The following HAUS5 variants were observed in gnomAD, a reference collection of about 807,000 sequenced individuals.
HAUS5 encodes HAUS augmin-like complex subunit 5.
In HAUS5, 67 loss-of-function variants were observed where a neutral mutation model predicts 94.1. That is an observed-to-expected ratio of 0.71 (90% confidence interval 0.58 to 0.87). The LOEUF (loss-of-function observed/expected upper bound fraction) is 0.87. Ranked by LOEUF, HAUS5 falls within the 40% of genes least tolerant of loss-of-function variation. HAUS5 has a pLI of 0.00. For synonymous variants in HAUS5, 339 were observed against 355.4 expected, an observed-to-expected ratio of 0.95 and a Z score of 0.52; for missense variants, 739 against 825.6, an observed-to-expected ratio of 0.90 and a Z score of 1.29.
At chr19:35,617,551 G>T (rs1009503822) in intron 8 of HAUS5, among the ~76,000 whole-genome samples, 182 bp downstream of exon 8, 2 of 152,180 alleles carry the variant, frequency 1.3e-5, no homozygotes, top group Non-Finnish European at 2.9e-5. Context: ...GGTCAGGGCT[G>T]TTGCGGGAGT....
rs1967246083 is a variant in HAUS5, at chr19:35,623,225, G to C, written c.*232G>C. Reference sequence around the variant, plus strand: ...TCATCACTTTCATTCTCAGCAAAAAGTAATTGAGCACCTCCTCTAGGCGCT... The same window carrying C: ...TCATCACTTTCATTCTCAGCAAAAACTAATTGAGCACCTCCTCTAGGCGCT... On this transcript the variant is annotated 3_prime_UTR_variant, in exon 19 of 19. Coordinates refer to ENST00000203166, the MANE Select transcript of HAUS5 (RefSeq NM_015302.2). 1 of 531,358 alleles carries C rather than the reference G, an allele frequency of 1.9e-6. No homozygotes were observed. The highest frequency in any genetic ancestry group is 3.3e-6 in the Non-Finnish European group (1 of 299,236). 32.9% of individuals were successfully genotyped at this position (531,358 alleles called of 1,614,324 possible). A position where few individuals can be genotyped will look rare whatever the true frequency, so the allele number is the denominator to read the frequency against.
intron 8 of HAUS5, among the ~76,000 whole-genome samples, chr19:35,617,635 T>A (rs903345722): frequency 2.0e-5 from 3 of 151,940 alleles, no homozygotes; most frequent in African/African-American, 7.3e-5. Flanking sequence ...GGGGAGAGGT[T>A]CTCTGGTGAG....
At chr19:35,613,064 T>G (rs565495535) in intron 1 of HAUS5, among the ~76,000 whole-genome samples, 172 bp downstream of exon 1, 20 of 152,192 alleles carry the variant, frequency 1.3e-4, no homozygotes, top group African/African-American at 4.8e-4. Flanking sequence ...TCCCTAGCAC[T>G]GGTGAGGATC....
chr19:35,620,245 G>A lies in HAUS5; in HGVS notation c.1569G>A (p.Leu523=). 6.2e-7 allele frequency: 1 copy of A among 1,613,740 alleles called. No individual in the cohort carries two copies. Among genetic ancestry groups the A allele is most frequent in the Non-Finnish European group, 8.5e-7 (1 of 1,179,954 alleles). Residue 523 remains leucine (L), a synonymous_variant, in exon 17 of 19, where the codon CTG becomes CTA. Coordinates refer to ENST00000203166, the MANE Select transcript of HAUS5 (RefSeq NM_015302.2). The part of the protein sequence containing the change: ...PAAASLRQDL[L]LLQDQRSLWC... The stretch of plus-strand genomic sequence containing the variant: ...CTGCCTCTCTTCGCCAGGACCTTCT[G>A]CTCCTGCAGGACCAGCGGAGCCTCT...
At chr19:35,614,132 C>T in intron 4 of HAUS5, 73 bp downstream of exon 4, 1 of 1,374,924 alleles carries the variant, frequency 7.3e-7, no homozygotes, top group Non-Finnish European at 1.0e-6. Flanking sequence ...TAAGCCCAAC[C>T]AGGTGCTGGG....
intron 15 of HAUS5, 80 bp downstream of exon 15, chr19:35,619,838 A>G (rs1967178492): frequency 2.0e-6 from 3 of 1,507,488 alleles, no homozygotes; most frequent in African/African-American, 1.4e-5. Flanking sequence ...CTCAAAAAAG[A>G]TAACCCCAGA....
At chr19:35,616,991 C>A in intron 6 of HAUS5, 133 bp from the exon 7 acceptor site, 1 of 702,914 alleles carries the variant, frequency 1.4e-6, no homozygotes, top group Non-Finnish European at 2.5e-6. Context: ...GTGACAGTGG[C>A]CTAATCTGGA....
intron 3 of HAUS5, 67 bp downstream of exon 3, chr19:35,613,967 G>A: frequency 6.2e-7 from 1 of 1,606,784 alleles, no homozygotes; most frequent in Non-Finnish European, 8.5e-7. Flanking sequence ...CCCCACCACA[G>A]CATCACACCT....
chr19:35,617,898 C>T lies in HAUS5; in HGVS notation c.682C>T (p.Leu228=). 2 of 1,614,074 alleles carry T rather than the reference C, an allele frequency of 1.2e-6. No individual in the cohort carries two copies. The highest frequency in any genetic ancestry group is 1.7e-6 in the Non-Finnish European group (2 of 1,179,932). The change falls in exon 9 of 19, where the codon CTG becomes TTG. Residue 228 remains leucine, a synonymous_variant. Transcript: ENST00000203166. ...DHFGTSYQQW[L]SSVETLLTNH... is the part of the protein sequence containing the mutation. Reference sequence around the variant, plus strand: ...CTTTGGCACTTCGTACCAGCAGTGGCTGAGCTCAGTGGAGGTGAGAGGGCA... The same window carrying T: ...CTTTGGCACTTCGTACCAGCAGTGGTTGAGCTCAGTGGAGGTGAGAGGGCA...
intron 17 of HAUS5, among the ~76,000 whole-genome samples, chr19:35,622,049 G>T (rs1599599883): frequency 6.6e-6 from 1 of 152,306 alleles, no homozygotes; most frequent in South Asian, 2.1e-4. Context: ...CAGGAGGAAA[G>T]ATACTCTCTA....
Position 35,614,040 on chromosome 19 carries a change from G to A in HAUS5, c.200G>A (p.Gly67Asp), listed in dbSNP as rs200148904. 141 of 1,613,774 alleles carry A rather than the reference G, an allele frequency of 8.7e-5. No homozygotes were observed. The East Asian group carries it at 2.8e-3, about 32-fold the overall frequency. The change falls in exon 4 of 19, where the codon GGC (glycine) becomes GAC (aspartate). Residue 67 changes from glycine (G) to aspartate (D), a missense_variant. Physicochemically the swap from Gly to Asp is moderately conservative, Grantham distance 94. Transcript: ENST00000203166. Reference protein sequence around the residue: ...KKIRGNLLWYGHQDSPQVRRK... With the variant: ...KKIRGNLLWYDHQDSPQVRRK... ...CTCTGGCCTCGTTTTCCTAGGTATG[G>A]CCACCAGGACAGTCCACAGGTGAGA...
intron 8 of HAUS5, 81 bp downstream of exon 8, chr19:35,617,450 A>G (rs1489502703): frequency 8.9e-6 from 8 of 898,936 alleles, no homozygotes; most frequent in Non-Finnish European, 1.4e-5. Context: ...TTCCTCAGAC[A>G]CTGAGCTTCT....
chr19:35,618,821 G>T, intron 12 of HAUS5, 66 bp from the exon 13 acceptor site: 1 of 1,534,888 alleles, frequency 6.5e-7, no homozygotes, highest in South Asian at 1.2e-5. Context: ...GTCTCTCCCT[G>T]GTTTATGGTC....
In HAUS5 at chr19:35,619,052, G is replaced by T; in HGVS notation, c.1179+3G>T. On this transcript the variant is annotated splice_donor_region_variant and intron_variant, in intron 13 of 18. Transcript: ENST00000203166. ...TCCTGCACTGGCGCCAGCTGGTGGT[G>T]AGAGGCTAGGCCCAGGGCCTTGTGG... 1 of 1,584,862 alleles carries T rather than the reference G, an allele frequency of 6.3e-7. No homozygotes were observed. The highest frequency in any genetic ancestry group is 1.1e-5 in the South Asian group (1 of 87,682).
In HAUS5 at chr19:35,622,377, A is replaced by T. The variant is rs185409508; in HGVS notation, c.1652-224A>T. On this transcript the variant is annotated intron_variant, in intron 17 of 18. Transcript: ENST00000203166. ...GCCTGGATGGGGCTGGGGGTGGTGG[A>T]CTGCCCTTGAGATGAGGATCTGGGA... 1.9e-3 allele frequency among the ~76,000 whole-genome samples: 281 copies of T among 150,194 alleles called. 1 individual carries two copies. Among genetic ancestry groups the T allele is most frequent in the Non-Finnish European group, 3.6e-3 (243 of 67,446 alleles).
intron 17 of HAUS5, 119 bp from the exon 18 acceptor site, chr19:35,622,482 A>T (rs1398908714): frequency 9.7e-7 from 1 of 1,028,426 alleles, no homozygotes; most frequent in Non-Finnish European, 1.5e-6. Context: ...CAGACTCATC[A>T]TTGGTTTGCG....
Position 35,623,255 on chromosome 19 carries a change from A to T in HAUS5, c.*262A>T. ...TGAGCACCTCCTCTAGGCGCTGGGG[A>T]GTCCACACTGAACAAAAGAAACAGA... On this transcript the variant is annotated 3_prime_UTR_variant, in exon 19 of 19. Transcript: ENST00000203166. The T allele has an allele frequency of 2.3e-6, 1 of 434,566 alleles. No homozygotes were observed. Among genetic ancestry groups the T allele is most frequent in the Non-Finnish European group, 4.1e-6 (1 of 242,944 alleles). 26.9% of individuals were successfully genotyped at this position (434,566 alleles called of 1,614,324 possible).
At chr19:35,613,817 G>T in intron 2 of HAUS5, 25 bp downstream of exon 2, 1 of 1,613,974 alleles carries the variant, frequency 6.2e-7, no homozygotes, top group Admixed American at 1.7e-5. Flanking sequence ...AGCAGGGGAG[G>T]GGGCACAGGT....
At position 35,617,201 on chromosome 19, in the gene HAUS5, T is replaced by G; in HGVS notation, c.555+8T>G. 1 of 1,613,402 alleles carries G rather than the reference T, an allele frequency of 6.2e-7. No homozygotes were observed. The highest frequency in any genetic ancestry group is 8.5e-7 in the Non-Finnish European group (1 of 1,179,406). Reference sequence around the variant, plus strand: ...CTGGAGCCCGTGGTCCTGGTAAGAGTCCTGGTCATGGGAGAAGGGGCAGGG... The same window carrying G: ...CTGGAGCCCGTGGTCCTGGTAAGAGGCCTGGTCATGGGAGAAGGGGCAGGG... On this transcript the variant is annotated splice_region_variant and intron_variant, in intron 7 of 18. Transcript: ENST00000203166.
Sources: gnomAD v4.1 joint callset for allele counts (sites outside exome capture counted in the v4.1 genomes callset) on GRCh38, gnomAD v4.1.1 for gene constraint, MANE v1.5 for transcripts, NCBI Gene and HGNC (gene_info 2026-07-23, HGNC 2026-07-21) for gene names.